The following OSBPL11 variants were observed in gnomAD, a reference collection of about 807,000 sequenced individuals.
OSBPL11 encodes oxysterol binding protein like 11.
In OSBPL11, 33 loss-of-function variants were observed where a neutral mutation model predicts 84.4. That is an observed-to-expected ratio of 0.39 (90% confidence interval 0.30 to 0.52). The LOEUF (loss-of-function observed/expected upper bound fraction) is 0.52, where lower values mean the gene tolerates loss of function less well. Among genes scored for constraint, OSBPL11 ranks in the 20% least tolerant of loss-of-function variants. The probability of loss-of-function intolerance (pLI) is 0.72; values close to 1 mark genes in which losing one functional copy is unlikely to be tolerated. For synonymous variants in OSBPL11, 276 were observed against 310.2 expected (o/e 0.89, Z 1.16); for missense variants, 736 against 901.1 (o/e 0.82, Z 2.35).
intron 3 of OSBPL11, 78 bp from the exon 4 acceptor site, chr3:125,579,117 A>G (rs1345754912): frequency 1.9e-6 from 2 of 1,064,882 alleles, no homozygotes; most frequent in Non-Finnish European, 2.7e-6. Flanking sequence ...TGAAGATCAG[A>G]TCACTGAAAA....
intron 10 of OSBPL11, among the ~76,000 whole-genome samples, chr3:125,543,544 C>T (rs1935766300): frequency 6.6e-6 from 1 of 152,178 alleles, no homozygotes; most frequent in Non-Finnish European, 1.5e-5. Flanking sequence ...ATCAAAAGCT[C>T]TAGTTTCATT....
At chr3:125,538,965 AT>A (rs1935682236) in intron 10 of OSBPL11, among the ~76,000 whole-genome samples, 1 of 152,076 alleles carries the variant, frequency 6.6e-6, no homozygotes, top group African/African-American at 2.4e-5. Context: ...AAAAATCAAT[AT>A]TTATTAGTCT....
intron 9 of OSBPL11, among the ~76,000 whole-genome samples, chr3:125,548,663 GTCA>G (rs1349842674): frequency 6.6e-6 from 1 of 151,764 alleles, no homozygotes; most frequent in Non-Finnish European, 1.5e-5. Context: ...CATTACCTGT[GTCA>G]TCAACAGACC....
chr3:125,538,061 G>A (rs1222646420), intron 11 of OSBPL11, among the ~76,000 whole-genome samples: 1 of 152,024 alleles, frequency 6.6e-6, no homozygotes, highest in African/African-American at 2.4e-5. Flanking sequence ...TCATTTCCTT[G>A]GTTGAGCATT....
intron 10 of OSBPL11, among the ~76,000 whole-genome samples, chr3:125,544,532 C>A (rs984342213): frequency 2.6e-5 from 4 of 152,146 alleles, no homozygotes; most frequent in African/African-American, 4.8e-5. Context: ...AATATCTTAA[C>A]CATCAGGCAA....
At chr3:125,545,945 TGAA>T (rs1193684577) in intron 10 of OSBPL11, among the ~76,000 whole-genome samples, 2 of 152,030 alleles carry the variant, frequency 1.3e-5, no homozygotes, top group East Asian at 1.9e-4. Flanking sequence ...AATAAAGACA[TGAA>T]GAAGACCTTA....
At position 125,530,378 on chromosome 3, in the gene OSBPL11, T is replaced by G; in HGVS notation, c.*137A>C. On this transcript the variant is annotated 3_prime_UTR_variant, in exon 13 of 13. Coordinates refer to ENST00000296220, the MANE Select transcript of OSBPL11 (RefSeq NM_022776.5). ...GTCTTGCTGCAGTATTATGGTGCCCTAGTAGGTACATTCAGGTTTAGCTAG... is the reference window on the plus strand; with the variant it reads ...GTCTTGCTGCAGTATTATGGTGCCCGAGTAGGTACATTCAGGTTTAGCTAG... The G allele has an allele frequency of 1.3e-6, 1 of 775,958 alleles. No individual in the cohort carries two copies. The highest frequency in any genetic ancestry group is 2.6e-5 in the East Asian group (1 of 37,838). The allele number at this position is 775,958 out of a possible 1,614,324, so 48.1% of individuals were successfully genotyped here. A position where few individuals can be genotyped will look rare whatever the true frequency, so the allele number is the denominator to read the frequency against.
chr3:125,530,684 T>A, intron 12 of OSBPL11, 104 bp from the exon 13 acceptor site: 3 of 939,298 alleles, frequency 3.2e-6, no homozygotes, highest in Non-Finnish European at 5.0e-6. Context: ...TATTTTCACA[T>A]TCAAAAACAA....
At chr3:125,583,192 C>A (rs538722887) in intron 1 of OSBPL11, among the ~76,000 whole-genome samples, 1 of 151,956 alleles carries the variant, frequency 6.6e-6, no homozygotes, top group South Asian at 2.1e-4. Flanking sequence ...AAGTACAATA[C>A]CTCATAAATT....
chr3:125,564,324 A>C (rs1936125183), intron 6 of OSBPL11, among the ~76,000 whole-genome samples: 1 of 152,358 alleles, frequency 6.6e-6, no homozygotes, highest in South Asian at 2.1e-4. Flanking sequence ...CTAATTTAAG[A>C]ATTGCAAATA....
chr3:125,557,392 T>A (rs1283275102), intron 8 of OSBPL11, among the ~76,000 whole-genome samples: 1 of 151,818 alleles, frequency 6.6e-6, no homozygotes, highest in Non-Finnish European at 1.5e-5. Flanking sequence ...TATTTGTTTA[T>A]TTTTTTTGAG....
At chr3:125,551,064 T>C (rs183947276) in intron 9 of OSBPL11, among the ~76,000 whole-genome samples, 22 of 150,808 alleles carry the variant, frequency 1.5e-4, no homozygotes, top group Non-Finnish European at 3.1e-4. Flanking sequence ...CTTGGGAGGC[T>C]GAGGCAGGAG....
rs551804705 is a variant in OSBPL11 at position 125,584,867 on chromosome 3, T to C, written c.165-1889A>G. On this transcript the variant is annotated intron_variant, in intron 1 of 12. Transcript: ENST00000296220. ...TATCTAATTATCTATATCACTCATT[T>C]AACAGCTCAAGTGACCCTCCTACCT... is the stretch of plus-strand genomic sequence containing the variant. Among the ~76,000 whole-genome samples, 9 of 152,314 alleles carry C rather than the reference T, an allele frequency of 5.9e-5. 1 individual carries two copies. In the South Asian group the frequency reaches 1.7e-3, roughly 28 times the overall value.
chr3:125,545,781 TGA>T (rs1240813577), intron 10 of OSBPL11, among the ~76,000 whole-genome samples: 1 of 152,006 alleles, frequency 6.6e-6, no homozygotes, highest in Non-Finnish European at 1.5e-5. Flanking sequence ...CTTGGCTGCA[TGA>T]GAGATAGATG....
At chr3:125,578,028 T>C (rs1936356786) in intron 4 of OSBPL11, among the ~76,000 whole-genome samples, 1 of 152,158 alleles carries the variant, frequency 6.6e-6, no homozygotes, top group South Asian at 2.1e-4. Flanking sequence ...TGAACACTTA[T>C]AATGTTATTC....
At chr3:125,593,862 T>C (rs1936639937) in intron 1 of OSBPL11, among the ~76,000 whole-genome samples, 1 of 152,156 alleles carries the variant, frequency 6.6e-6, no homozygotes, top group South Asian at 2.1e-4. Context: ...TTAGTTCCAA[T>C]ACGATGGGAT....
At chr3:125,551,593 A>AC (rs895810345) in intron 9 of OSBPL11, among the ~76,000 whole-genome samples, 9 of 151,804 alleles carry the variant, frequency 5.9e-5, no homozygotes, top group African/African-American at 1.9e-4. Context: ...ACATGGTGAA[A>AC]CCCCCCATCT....
chr3:125,531,193 T>C (rs1276442416), intron 12 of OSBPL11, among the ~76,000 whole-genome samples: 1 of 151,852 alleles, frequency 6.6e-6, no homozygotes, highest in Non-Finnish European at 1.5e-5. Context: ...TTGGCCAGGC[T>C]GGTCTGAAAC....
At chr3:125,579,167 G>C (rs894596644) in intron 3 of OSBPL11, 128 bp from the exon 4 acceptor site, 1 of 543,428 alleles carries the variant, frequency 1.8e-6, no homozygotes. Flanking sequence ...AAACTTCCCT[G>C]ACTGGAGGGA....
Sources: gnomAD v4.1 joint callset for allele counts (sites outside exome capture counted in the v4.1 genomes callset) on GRCh38, gnomAD v4.1.1 for gene constraint, MANE v1.5 for transcripts, NCBI Gene and HGNC (gene_info 2026-07-23, HGNC 2026-07-21) for gene names.